B4GALT4: variants seen among roughly 807,000 people sequenced by gnomAD.
B4GALT4 encodes N-acetyllactosamine synthase.
B4GALT4 carries 27 observed loss-of-function variants against 37.3 expected under a neutral mutation model. The ratio of observed to expected loss-of-function variants is 0.72; its 90% CI spans 0.53 to 1.00. The LOEUF is 1.00. B4GALT4 is among the 50% of genes least tolerant of loss of function. B4GALT4 has a pLI of 0.00. For missense variants in B4GALT4, 372 were observed against 413.1 expected (o/e 0.90, Z 0.86); for synonymous variants, 148 against 154.1 (o/e 0.96, Z 0.29).
In B4GALT4 at chr3:119,217,842, C is replaced by CAAA. The variant is rs57522373; in HGVS notation, c.797+805_797+807dup. On this transcript the variant is annotated intron_variant, in intron 6 of 7. Coordinates refer to ENST00000393765, the MANE Select transcript of B4GALT4 (RefSeq NM_003778.4). ...TGGGTGACAGAGCGAGACTTTGTCT[C>CAAA]AAAAAAAAAAAAAAAAAAAAAAAGA... is the stretch of plus-strand genomic sequence containing the variant. Among the ~76,000 whole-genome samples the CAAA allele has an allele frequency of 9.6e-4, 84 of 87,798 alleles. 1 individual carries two copies. Among genetic ancestry groups the CAAA allele is most frequent in the African/African-American group, 3.7e-3 (80 of 21,788 alleles). The allele number at this position is 87,798 out of a possible 152,430, so 57.6% of individuals were successfully genotyped here.
At chr3:119,226,769 G>A (rs372837689) in intron 4 of B4GALT4, 40 bp downstream of exon 4, 1 of 1,552,630 alleles carries the variant, frequency 6.4e-7, no homozygotes, top group African/African-American at 1.4e-5. Context: ...GCAGAGAAGA[G>A]GAGGGTCGAG....
chr3:119,219,228 G>C (rs1007026773), intron 5 of B4GALT4, among the ~76,000 whole-genome samples: 10 of 152,198 alleles, frequency 6.6e-5, no homozygotes, highest in Middle Eastern at 6.8e-3. Context: ...TGCAGGGGAG[G>C]GTTGAAGGCA....
At chr3:119,225,160 T>A (rs1331135860) in intron 4 of B4GALT4, among the ~76,000 whole-genome samples, 3 of 152,226 alleles carry the variant, frequency 2.0e-5, no homozygotes, top group African/African-American at 7.2e-5. Flanking sequence ...ATCCTCACAG[T>A]GGCCTTATGG....
chr3:119,212,139 T>C lies in B4GALT4; in HGVS notation c.*410A>G, dbSNP rs759201056. The C allele has an allele frequency of 1.4e-6, 1 of 703,040 alleles. No homozygotes were observed. Among genetic ancestry groups the C allele is most frequent in the African/African-American group, 1.7e-5 (1 of 57,378 alleles). The allele number at this position is 703,040 out of a possible 1,614,324, so 43.6% of individuals were successfully genotyped here. A position where few individuals can be genotyped will look rare whatever the true frequency, so the allele number is the denominator to read the frequency against. On this transcript the variant is annotated 3_prime_UTR_variant, in exon 8 of 8. Transcript: ENST00000393765. The stretch of plus-strand genomic sequence containing the variant: ...TAACAGTATTGTATCTTCGTACCTT[T>C]CTACCTTGGACGAGAACAACTCTGG...
chr3:119,212,529 C>T lies in B4GALT4; in HGVS notation c.*20G>A, dbSNP rs201736032. ...CAAACAAAGAATCAGTTCTTCCAAA[C>T]ATCACCAAAAGACCCAGGGTCATGC... On this transcript the variant is annotated 3_prime_UTR_variant, in exon 8 of 8. Transcript: ENST00000393765. The T allele has an allele frequency of 3.2e-6, 5 of 1,564,460 alleles. No homozygotes were observed. The highest frequency in any genetic ancestry group is 4.3e-6 in the Non-Finnish European group (5 of 1,159,164).
intron 1 of B4GALT4, chr3:119,240,221 G>C (rs1425441931): frequency 2.6e-5 from 4 of 152,072 alleles, no homozygotes; most frequent in African/African-American, 9.7e-5. Context: ...CCTCGATGCA[G>C]AGTCCTTTGG....
intron 5 of B4GALT4, among the ~76,000 whole-genome samples, chr3:119,219,943 A>G (rs1243049450): frequency 6.6e-6 from 1 of 152,232 alleles, no homozygotes; most frequent in Non-Finnish European, 1.5e-5. Flanking sequence ...GACCGATAAA[A>G]TATTTATGAT....
At chr3:119,223,917 G>T in intron 5 of B4GALT4, 141 bp downstream of exon 5, 1 of 757,488 alleles carries the variant, frequency 1.3e-6, no homozygotes, top group Non-Finnish European at 1.9e-6. Flanking sequence ...CTTCTGTTTT[G>T]CACTTTAAGT....
In B4GALT4 at chr3:119,217,321, T is replaced by TA. The variant is rs557783615; in HGVS notation, c.798-978dup. Among the ~76,000 whole-genome samples, 38 of 152,336 alleles carry TA rather than the reference T, an allele frequency of 2.5e-4. 1 individual carries two copies. The South Asian group carries it at 3.3e-3, about 13-fold the overall frequency. ...GTCCAGTTCCTAAGCCATGACCACA[T>TA]AGGCTGCTGATGGGCTGGGCTGTGA... is the stretch of plus-strand genomic sequence containing the variant. On this transcript the variant is annotated intron_variant, in intron 6 of 7. Coordinates refer to ENST00000393765, the MANE Select transcript of B4GALT4 (RefSeq NM_003778.4).
intron 1 of B4GALT4, among the ~76,000 whole-genome samples, chr3:119,237,567 G>C (rs1043304826): frequency 6.6e-6 from 1 of 152,182 alleles, no homozygotes; most frequent in African/African-American, 2.4e-5. Context: ...ATTTTAACAA[G>C]CTCCCCAAAT....
rs1189360191 is a variant in B4GALT4, at chr3:119,216,386, A to C, written c.798-42T>G. On this transcript the variant is annotated intron_variant, in intron 6 of 7. Coordinates refer to ENST00000393765, the MANE Select transcript of B4GALT4 (RefSeq NM_003778.4). ...GATTTTTTTAAAGTCCATCCTATTT[A>C]TCTACCACTAGGCAAATAAAAAGCA... is the stretch of plus-strand genomic sequence containing the variant. The C allele has an allele frequency of 3.9e-6, 6 of 1,521,576 alleles. No homozygotes were observed. The East Asian group carries it at 1.4e-4, about 34-fold the overall frequency. 94.3% of individuals were successfully genotyped at this position (1,521,576 alleles called of 1,614,324 possible). A position where few individuals can be genotyped will look rare whatever the true frequency, so the allele number is the denominator to read the frequency against.
intron 3 of B4GALT4, among the ~76,000 whole-genome samples, chr3:119,228,000 C>A (rs1559927964): frequency 6.6e-6 from 1 of 152,154 alleles, no homozygotes; most frequent in Admixed American, 6.5e-5. Flanking sequence ...CCTACGAGAG[C>A]CTTCCTGCAG....
chr3:119,225,806 C>T (rs531816692), intron 4 of B4GALT4, among the ~76,000 whole-genome samples: 1 of 152,204 alleles, frequency 6.6e-6, no homozygotes, highest in Non-Finnish European at 1.5e-5. Flanking sequence ...TAAATCATAA[C>T]TATGACCAAC....
Position 119,228,564 on chromosome 3 carries a change from C to T in B4GALT4, c.253+1283G>A, listed in dbSNP as rs531288500. 3.0e-3 allele frequency among the ~76,000 whole-genome samples: 458 copies of T among 152,300 alleles called. 2 individuals carry two copies. The highest frequency in any genetic ancestry group is 0.017 in the Middle Eastern group (5 of 294). On this transcript the variant is annotated intron_variant, in intron 3 of 7. Coordinates refer to ENST00000393765, the MANE Select transcript of B4GALT4 (RefSeq NM_003778.4). ...GCATTTCCCTGACTCATTTTTACAT[C>T]GCAGCTTGTATAATCTGTGAAGGAA...
intron 2 of B4GALT4, chr3:119,235,153 CCTTT>C (rs1261056363): frequency 4.6e-5 from 7 of 152,130 alleles, no homozygotes; most frequent in African/African-American, 1.7e-4. Context: ...ACCTGAGAGT[CCTTT>C]CTTTCTCTCT....
chr3:119,222,227 TTA>T (rs776570296), intron 5 of B4GALT4, among the ~76,000 whole-genome samples: 24 of 152,184 alleles, frequency 1.6e-4, no homozygotes, highest in Non-Finnish European at 3.2e-4. Flanking sequence ...TAGTGACATC[TTA>T]CTACAGAGTA....
intron 7 of B4GALT4, chr3:119,213,985 A>C (rs903529162): frequency 1.3e-5 from 2 of 152,230 alleles, no homozygotes; most frequent in African/African-American, 4.8e-5. Context: ...GAACTTTGGG[A>C]GGCTGAGGCA....
At chr3:119,215,628 G>A (rs998834984) in intron 7 of B4GALT4, 1 of 152,206 alleles carries the variant, frequency 6.6e-6, no homozygotes, top group Non-Finnish European at 1.5e-5. Flanking sequence ...GAGGTCAGGA[G>A]GACATATTAA....
Position 119,232,075 on chromosome 3 carries a change from G to A in B4GALT4, c.-145-1831C>T, listed in dbSNP as rs1576931972. ...TAAAGGATACAACTCCAGAAATTTA[G>A]TTTCAGGTTAGTTTGAAGGAAACCT... On this transcript the variant is annotated intron_variant, in intron 2 of 7. Coordinates refer to ENST00000393765, the MANE Select transcript of B4GALT4 (RefSeq NM_003778.4). 2.0e-5 allele frequency among the ~76,000 whole-genome samples: 3 copies of A among 152,058 alleles called. No individual in the cohort carries two copies. In the South Asian group the frequency reaches 6.2e-4, roughly 32 times the overall value.
Sources: gnomAD v4.1 joint callset for allele counts (sites outside exome capture counted in the v4.1 genomes callset) on GRCh38, gnomAD v4.1.1 for gene constraint, MANE v1.5 for transcripts, NCBI Gene and HGNC (gene_info 2026-07-23, HGNC 2026-07-21) for gene names.